The following TTN variants were observed in gnomAD, a reference collection of about 807,000 sequenced individuals.
TTN encodes connectin.
In TTN, 1,525 loss-of-function variants were observed where a neutral mutation model predicts 3,223.0. The ratio of observed to expected loss-of-function variants is 0.47; its 90% CI spans 0.45 to 0.49. TTN has a LOEUF of 0.49. TTN is among the 20% of genes least tolerant of loss of function. The pLI is 0.00. For synonymous variants in TTN, 14,094 were observed against 15,161.0 expected, an observed-to-expected ratio of 0.93 and a Z score of 5.17; for missense variants, 40,786 against 43,424.0, an observed-to-expected ratio of 0.94 and a Z score of 5.40.
chr2:178,789,403 G>C lies in TTN; in HGVS notation c.2033C>G (p.Thr678Ser), dbSNP rs1376628413. The C allele has an allele frequency of 6.2e-7, 1 of 1,613,488 alleles. No individual in the cohort carries two copies. The highest frequency in any genetic ancestry group is 8.5e-7 in the Non-Finnish European group (1 of 1,179,552). Reference protein sequence around the residue: ...EQETILRTRETMATRQEQIQV... With the variant: ...EQETILRTRESMATRQEQIQV... ...GATTTGTTCTTGTCTAGTAGCCATA[G>C]TTTCTCTAGTTCTCAGTATTGTTTC... is the stretch of plus-strand genomic sequence containing the variant. The change falls in exon 13 of 363, where the codon ACT (threonine) becomes AGT (serine). Residue 678 changes from threonine (T) to serine (S), a missense_variant. By Grantham distance (58) the Thr-to-Ser change is moderately conservative. Transcript: ENST00000589042.
Position 178,552,793 on chromosome 2 carries a change from T to C in TTN, c.90107A>G (p.Asp30036Gly), listed in dbSNP as rs1699937452. The C allele has an allele frequency of 1.9e-6, 3 of 1,613,900 alleles. No individual in the cohort carries two copies. The Admixed American group carries it at 5.0e-5, about 27-fold the overall frequency. ...KAAEVPAPIR[D>G]LSMKDSTKTS... is the part of the protein sequence containing the mutation. ...CTTTGTTGAGTCTTTCATTGAGAGA[T>C]CACGTATAGGAGCTGGTACTTCAGC... Residue 30036 changes from aspartate to glycine, a missense_variant, in exon 335 of 363, where the codon GAT becomes GGT. Asp to Gly is a moderately conservative substitution (Grantham distance 94). Coordinates refer to ENST00000589042, the MANE Select transcript of TTN (RefSeq NM_001267550.2).
At chr2:178,734,114 T>A (rs1043412112) in intron 52 of TTN, among the ~76,000 whole-genome samples, 4 of 152,164 alleles carry the variant, frequency 2.6e-5, no homozygotes, top group African/African-American at 9.7e-5. Flanking sequence ...TGGCTTATTA[T>A]TCCCTTTTGT....
intron 316 of TTN, chr2:178,580,823 T>TC (rs34306137): frequency 7.3e-6 from 4 of 545,298 alleles, no homozygotes; most frequent in Non-Finnish European, 1.3e-5. Context: ...AACCAGGTTT[T>TC]CCCCCCGGAG....
rs1176890534 is a variant in TTN at position 178,547,420 on chromosome 2, A to G, written c.94206T>C (p.Ala31402=). The change falls in exon 339 of 363, where the codon GCT becomes GCC. Residue 31402 remains alanine (A), a synonymous_variant. Transcript: ENST00000589042. ...TATTTTTCTTACCAAATGGATGTTC[A>G]GCAATTATTGGTGCTGATTCTAGAG... is the stretch of plus-strand genomic sequence containing the variant. ...SKPLESAPII[A]EHPFVPPSAP... 1.3e-6 allele frequency: 2 copies of G among 1,599,196 alleles called. No homozygotes were observed. The highest frequency in any genetic ancestry group is 2.2e-5 in the South Asian group (2 of 89,576).
Position 178,650,768 on chromosome 2 carries a change from T to G in TTN, c.39692A>C (p.Glu13231Ala). The G allele has an allele frequency of 6.2e-7, 1 of 1,606,278 alleles. No homozygotes were observed. The highest frequency in any genetic ancestry group is 8.5e-7 in the Non-Finnish European group (1 of 1,176,216). ...KPAVPVPERA[E>A]SPPPEVYEEP... ...ACGTGTACCTTCTGGGGGAGGAGAC[T>G]CCGCTCTTTCTGGAACAGGAACAGC... is the stretch of plus-strand genomic sequence containing the variant. The change falls in exon 209 of 363, where the codon GAG (glutamate) becomes GCG (alanine). Residue 13231 changes from glutamate (E) to alanine (A), a missense_variant. Transcript: ENST00000589042.
Position 178,602,483 on chromosome 2 carries a change from A to G in TTN, c.54919T>C (p.Tyr18307His). 1 of 1,611,970 alleles carries G rather than the reference A, an allele frequency of 6.2e-7. No homozygotes were observed. The highest frequency in any genetic ancestry group is 2.2e-5 in the East Asian group (1 of 44,534). Residue 18307 changes from tyrosine (Y) to histidine (H), a missense_variant, in exon 283 of 363, where the codon TAC becomes CAC. Physicochemically the swap from Tyr to His is moderately conservative, Grantham distance 83 (BLOSUM62 2). Coordinates refer to ENST00000589042, the MANE Select transcript of TTN (RefSeq NM_001267550.2). ...AKDGGSPIKG[Y>H]IVEMQEEGTT... ...CCTTCTTCTTGCATTTCTACAATGT[A>G]TCCTTTGATTGGGCTGCCACCATCT...
rs1160047014 is a variant in TTN, at chr2:178,569,188, A to G, written c.76944T>C (p.Tyr25648=). ...TATGGCAGTTAGTTACAACAGCAGC[A>G]TATGATTTTCTTGTGGCTTCACGTT... ...VEKREATRKS[Y]AAVVTNCHKN... is the part of the protein sequence containing the mutation. Residue 25648 remains tyrosine (Y), a synonymous_variant, in exon 326 of 363, where the codon TAT becomes TAC. Transcript: ENST00000589042. 1.9e-6 allele frequency: 3 copies of G among 1,610,922 alleles called. No individual in the cohort carries two copies. The highest frequency in any genetic ancestry group is 3.4e-5 in the Admixed American group (2 of 59,602).
Position 178,799,158 on chromosome 2 carries a change from T to A in TTN, c.914+329A>T, listed in dbSNP as rs2093919651. The A allele has an allele frequency of 9.1e-6, 3 of 330,076 alleles. No homozygotes were observed. The South Asian group carries it at 9.7e-5, about 11-fold the overall frequency. The allele number at this position is 330,076 out of a possible 1,614,324, so 20.4% of individuals were successfully genotyped here. On this transcript the variant is annotated intron_variant, in intron 6 of 362. Coordinates refer to ENST00000589042, the MANE Select transcript of TTN (RefSeq NM_001267550.2). The stretch of plus-strand genomic sequence containing the variant: ...TGGTCCCTAGCGAGGCCTGTGCCCA[T>A]GGACCTAGGTGAGGACAAACACTCC...
rs552189742 is a variant in TTN, at chr2:178,730,317, C to T, written c.18083G>A (p.Arg6028Lys). The change falls in exon 62 of 363, where the codon AGG becomes AAG. Residue 6028 changes from arginine to lysine, a missense_variant. Coordinates refer to ENST00000589042, the MANE Select transcript of TTN (RefSeq NM_001267550.2). The stretch of plus-strand genomic sequence containing the variant: ...ACCCACAAGAGCCTTTAACTGTACC[C>T]TTGTGTTGGGATTGACATCTTGTGA... The part of the protein sequence containing the change: ...PQSQDVNPNT[R>K]VQLKALVGGT... 2 of 1,611,326 alleles carry T rather than the reference C, an allele frequency of 1.2e-6. No homozygotes were observed. Among genetic ancestry groups the T allele is most frequent in the East Asian group, 4.5e-5 (2 of 44,632 alleles).
chr2:178,807,099 G>T (rs917444805), intron 1 of TTN, 113 bp downstream of exon 1: 1 of 152,190 alleles, frequency 6.6e-6, no homozygotes, highest in Non-Finnish European at 1.5e-5. Flanking sequence ...GCACTGGCAA[G>T]AAATAGTCAT....
In TTN at chr2:178,715,080, G is replaced by A. The variant is rs1383376933; in HGVS notation, c.26106C>T (p.Ile8702=). ...CAATGTCTGCAGCATCGACATTCAG[G>A]ATGTGGATACTGGTTAGGAAGTTCT... ...MSENFLTSIH[I]LNVDAADIGE... The change falls in exon 90 of 363, where the codon ATC becomes ATT. Residue 8702 remains isoleucine (I), a synonymous_variant. Transcript: ENST00000589042. 10 of 1,613,590 alleles carry A rather than the reference G, an allele frequency of 6.2e-6. No homozygotes were observed. Among genetic ancestry groups the A allele is most frequent in the Admixed American group, 1.7e-5 (1 of 59,996 alleles).
intron 2 of TTN, among the ~76,000 whole-genome samples, chr2:178,802,815 T>C: frequency 6.6e-6 from 1 of 152,204 alleles, no homozygotes; most frequent in Non-Finnish European, 1.5e-5. Context: ...AGGCATGCCC[T>C]CCTCCCTCCT....
Position 178,740,200 on chromosome 2 carries a change from G to A in TTN, c.13033C>T (p.His4345Tyr). 1 of 1,613,446 alleles carries A rather than the reference G, an allele frequency of 6.2e-7. No individual in the cohort carries two copies. Among genetic ancestry groups the A allele is most frequent in the Non-Finnish European group, 8.5e-7 (1 of 1,179,712 alleles). ...EEKQVLLKEE[H>Y]SDNVVMPPDQ... ...GGGGGCATCACCACGTTGTCAGAAT[G>A]CTCTTCTTTGAGCAGTACCTGCTTT... Residue 4345 changes from histidine (H) to tyrosine (Y), a missense_variant, in exon 48 of 363, where the codon CAT becomes TAT. Transcript: ENST00000589042.
chr2:178,756,192 GAAGC>G, intron 46 of TTN, 26 bp downstream of exon 46: 1 of 1,511,878 alleles, frequency 6.6e-7, no homozygotes, highest in South Asian at 1.2e-5. Context: ...AGGATGAAAT[GAAGC>G]AAGTCATAGC....
At position 178,543,594 on chromosome 2, in the gene TTN, C is replaced by G; in HGVS notation, c.96379G>C (p.Glu32127Gln). 1 of 1,606,678 alleles carries G rather than the reference C, an allele frequency of 6.2e-7. No homozygotes were observed. The highest frequency in any genetic ancestry group is 8.5e-7 in the Non-Finnish European group (1 of 1,179,558). The change falls in exon 347 of 363, where the codon GAA becomes CAA. Residue 32127 changes from glutamate (E) to glutamine (Q), a missense_variant. By Grantham distance (29) the Glu-to-Gln change is conservative (BLOSUM62 2). Coordinates refer to ENST00000589042, the MANE Select transcript of TTN (RefSeq NM_001267550.2). ...GCTCCACCATCAATCGTGGGAATTT[C>G]CCAAGTTATAGTCACAGAATCTCTT... Reference protein sequence around the residue: ...VSRDSVTITWEIPTIDGGAPV... With the variant: ...VSRDSVTITWQIPTIDGGAPV...
chr2:178,537,011 AAC>A lies in TTN; in HGVS notation c.100096_100097del (p.Val33366PhefsTer10). On this transcript the variant is annotated frameshift_variant, in exon 356 of 363. Coordinates refer to ENST00000589042, the MANE Select transcript of TTN (RefSeq NM_001267550.2). LOFTEE classifies it high-confidence loss of function. ...LTENAGYYFR[V>X]SAQNTFGISD... ...TGATGCCGAAAGTGTTCTGAGCTGAAACCCGGAAGTAATAGCCAGCATTTTCT... is the reference window on the plus strand; with the variant it reads ...TGATGCCGAAAGTGTTCTGAGCTGAACCGGAAGTAATAGCCAGCATTTTCT... 6.2e-7 allele frequency: 1 copy of A among 1,613,422 alleles called. No individual in the cohort carries two copies. The highest frequency in any genetic ancestry group is 8.5e-7 in the Non-Finnish European group (1 of 1,179,624).
intron 159 of TTN, among the ~76,000 whole-genome samples, chr2:178,668,110 A>G (rs2066300210): frequency 1.3e-5 from 2 of 152,220 alleles, no homozygotes; most frequent in Admixed American, 6.5e-5. Flanking sequence ...AAATTCATGT[A>G]AGTCTTTTCC....
rs767535967 is a variant in TTN at position 178,636,042 on chromosome 2, A to G, written c.41529T>C (p.Asp13843=). The G allele has an allele frequency of 3.7e-6, 6 of 1,613,162 alleles. No homozygotes were observed. The highest frequency in any genetic ancestry group is 5.1e-6 in the Non-Finnish European group (6 of 1,179,486). ...CTGTGTATGTTCCAGCATCTGTGTC[A>G]TCTGCATCGTTGATGGTCAGAGCCC... ...LMRALTINDA[D]DTDAGTYTVT... The change falls in exon 226 of 363, where the codon GAT becomes GAC. Residue 13843 remains aspartate, a synonymous_variant. Transcript: ENST00000589042. This position sits in a 1 kb window ranked among gnomAD's most constrained non-coding sequence, Gnocchi z 4.3.
chr2:178,734,981 T>C lies in TTN; in HGVS notation c.14943A>G (p.Pro4981=). 1 of 1,575,396 alleles carries C rather than the reference T, an allele frequency of 6.3e-7. No homozygotes were observed. The change falls in exon 51 of 363, where the codon CCA becomes CCG. Residue 4981 remains proline (P), a synonymous_variant. Coordinates refer to ENST00000589042, the MANE Select transcript of TTN (RefSeq NM_001267550.2). The part of the protein sequence containing the change: ...CSATVTVREP[P]SFVKKVDPSY... The stretch of plus-strand genomic sequence containing the variant: ...AGGGATCCACCTTCTTCACGAAGGA[T>C]GGTGGCTCTACATGAAGTTTACAAA...
Sources: gnomAD v4.1 joint callset for allele counts (sites outside exome capture counted in the v4.1 genomes callset) on GRCh38, gnomAD v4.1.1 for gene constraint, Gnocchi (gnomAD v3.1) non-coding constraint, MANE v1.5 for transcripts, NCBI Gene and HGNC (gene_info 2026-07-23, HGNC 2026-07-21) for gene names.